Variants in FSIP1 observed in about 807,000 individuals in gnomAD.
FSIP1 encodes the protein fibrous sheath-interacting protein 1.
Under a neutral mutation model 60.9 loss-of-function variants are expected in FSIP1, and 65 were observed. That is an observed-to-expected ratio of 1.07 (90% CI 0.87 to 1.31). The LOEUF (loss-of-function observed/expected upper bound fraction) is 1.31. Ranked by LOEUF, FSIP1 falls within the 40% of genes most tolerant of loss-of-function variation. The pLI is 0.00. For missense variants in FSIP1, 675 were observed against 665.5 expected, an observed-to-expected ratio of 1.01 and a Z score of -0.16; for synonymous variants, 209 against 221.2, an observed-to-expected ratio of 0.94 and a Z score of 0.49.
intron 10 of FSIP1, among the ~76,000 whole-genome samples, chr15:39,704,383 T>C (rs1237723826): frequency 1.3e-5 from 2 of 152,224 alleles, no homozygotes; most frequent in African/African-American, 4.8e-5. Context: ...ACCACAAACA[T>C]GTCAGGTCTG....
chr15:39,739,387 G>A (rs1317250740), intron 7 of FSIP1, among the ~76,000 whole-genome samples: 2 of 152,142 alleles, frequency 1.3e-5, no homozygotes, highest in East Asian at 3.9e-4. Flanking sequence ...TAAATGTTTT[G>A]CAAATTGCAG....
chr15:39,721,346 T>C (rs1895967011), intron 9 of FSIP1, among the ~76,000 whole-genome samples: 1 of 152,236 alleles, frequency 6.6e-6, no homozygotes, highest in Non-Finnish European at 1.5e-5. Flanking sequence ...AAGATAAATC[T>C]TCAAAGGAAT....
At position 39,617,723 on chromosome 15, in the gene FSIP1, G is replaced by A. The variant is rs779307434; in HGVS notation, c.1699+12C>T. The A allele has an allele frequency of 1.8e-5, 28 of 1,597,964 alleles. No homozygotes were observed. The highest frequency in any genetic ancestry group is 5.4e-5 in the African/African-American group (4 of 74,006). On this transcript the variant is annotated intron_variant, in intron 11 of 11. Transcript: ENST00000350221. ...GAATTATTTACCAAAACACATGTTC[G>A]CCAAGCCTCACCTGCTATTGTATTC... is the stretch of plus-strand genomic sequence containing the variant.
chr15:39,766,394 AACAT>A, intron 3 of FSIP1, among the ~76,000 whole-genome samples: 1 of 152,364 alleles, frequency 6.6e-6, no homozygotes, highest in East Asian at 1.9e-4. Context: ...AATAATAACT[AACAT>A]TTATAGAGTT....
At chr15:39,664,350 G>A (rs1380166309) in intron 10 of FSIP1, among the ~76,000 whole-genome samples, 1 of 151,960 alleles carries the variant, frequency 6.6e-6, no homozygotes, top group Non-Finnish European at 1.5e-5. Context: ...CATTTTAAGG[G>A]GTTTTTAAAA....
At chr15:39,701,982 A>C (rs1022711911) in intron 10 of FSIP1, among the ~76,000 whole-genome samples, 1 of 152,158 alleles carries the variant, frequency 6.6e-6, no homozygotes, top group Admixed American at 6.5e-5. Flanking sequence ...GACCATTTTC[A>C]ACTGAACATT....
At chr15:39,648,047 T>C (rs923280963) in intron 10 of FSIP1, among the ~76,000 whole-genome samples, 5 of 151,716 alleles carry the variant, frequency 3.3e-5, no homozygotes, top group African/African-American at 9.7e-5. Context: ...AGGGATAGCA[T>C]TGGGAGATAT....
intron 5 of FSIP1, among the ~76,000 whole-genome samples, chr15:39,751,737 A>C (rs1897170257): frequency 6.6e-6 from 1 of 152,102 alleles, no homozygotes; most frequent in South Asian, 2.1e-4. Context: ...TAAAGATCTA[A>C]TGTACAACTC....
At chr15:39,612,397 A>C (rs1595530661) in intron 11 of FSIP1, among the ~76,000 whole-genome samples, 1 of 152,180 alleles carries the variant, frequency 6.6e-6, no homozygotes, top group East Asian at 1.9e-4. Flanking sequence ...TCCTAAACAA[A>C]CAATAGGTCA....
At chr15:39,662,955 A>T (rs1893358790) in intron 10 of FSIP1, among the ~76,000 whole-genome samples, 1 of 152,186 alleles carries the variant, frequency 6.6e-6, no homozygotes, top group African/African-American at 2.4e-5. Context: ...CTGGCAAAAA[A>T]ACTAGCAAAA....
chr15:39,690,309 C>A (rs1313663954), intron 10 of FSIP1, among the ~76,000 whole-genome samples: 1 of 152,074 alleles, frequency 6.6e-6, no homozygotes, highest in Non-Finnish European at 1.5e-5. Flanking sequence ...ATTCTTGCAG[C>A]AGTGTGGAAA....
At chr15:39,714,239 A>G (rs1166078741) in intron 9 of FSIP1, among the ~76,000 whole-genome samples, 1 of 152,190 alleles carries the variant, frequency 6.6e-6, no homozygotes, top group Non-Finnish European at 1.5e-5. Context: ...ACATAATGAA[A>G]GTACTTCATT....
At chr15:39,708,420 T>C (rs769922380) in intron 10 of FSIP1, among the ~76,000 whole-genome samples, 7 of 152,232 alleles carry the variant, frequency 4.6e-5, no homozygotes, top group Non-Finnish European at 1.0e-4. Flanking sequence ...TAATTCTAAC[T>C]TTCTTCCTCA....
At chr15:39,635,785 C>G (rs965027622) in intron 10 of FSIP1, among the ~76,000 whole-genome samples, 1 of 152,144 alleles carries the variant, frequency 6.6e-6, no homozygotes, top group Non-Finnish European at 1.5e-5. Flanking sequence ...GCCATGCTGC[C>G]TACCCACCTT....
chr15:39,709,647 T>C (rs1356820625), intron 10 of FSIP1, among the ~76,000 whole-genome samples: 1 of 152,082 alleles, frequency 6.6e-6, no homozygotes, highest in African/African-American at 2.4e-5. Context: ...CCCAACCCTT[T>C]AGGCAATAGG....
At chr15:39,685,639 T>C (rs747852706) in intron 10 of FSIP1, among the ~76,000 whole-genome samples, 33 of 152,210 alleles carry the variant, frequency 2.2e-4, no homozygotes, top group Non-Finnish European at 4.0e-4. Context: ...AAGAAATGAC[T>C]GTAGTCAGCC....
chr15:39,776,407 A>T lies in FSIP1; in HGVS notation c.118T>A (p.Ser40Thr), dbSNP rs1237540238. ...SLEVLSTEPG[S>T]FKVDTASNLN... ...TTCTAAACGTAAATTACCTTGAAGG[A>T]TCCTGGTTCTGTTGAGAGCACCTCC... The change falls in exon 2 of 12, where the codon TCC becomes ACC. Residue 40 changes from serine (S) to threonine (T), a missense_variant. Transcript: ENST00000350221. 3 of 1,613,204 alleles carry T rather than the reference A, an allele frequency of 1.9e-6. No individual in the cohort carries two copies. In the South Asian group the frequency reaches 3.3e-5, roughly 18 times the overall value.
chr15:39,721,088 C>A (rs1030654980), intron 9 of FSIP1, among the ~76,000 whole-genome samples: 2 of 152,198 alleles, frequency 1.3e-5, no homozygotes, highest in African/African-American at 4.8e-5. Flanking sequence ...GAGAACATCA[C>A]AATCAGTGAG....
intron 3 of FSIP1, among the ~76,000 whole-genome samples, chr15:39,768,617 A>T (rs1369195736): frequency 1.3e-5 from 2 of 152,228 alleles, no homozygotes; most frequent in Non-Finnish European, 2.9e-5. Flanking sequence ...CAGTCATCCT[A>T]TTGTAATCTG....
Sources: gnomAD v4.1 joint callset for allele counts (sites outside exome capture counted in the v4.1 genomes callset) on GRCh38, gnomAD v4.1.1 for gene constraint, MANE v1.5 for transcripts, NCBI Gene and HGNC (gene_info 2026-07-23, HGNC 2026-07-21) for gene names.